Variants in ATXN7L1 observed in about 807,000 individuals in gnomAD.
The protein encoded by ATXN7L1 is ataxin-7-like protein 1.
Under a neutral mutation model 70.8 loss-of-function variants are expected in ATXN7L1, and 15 were observed. That is an observed-to-expected ratio of 0.21 (90% CI 0.14 to 0.33). The LOEUF (loss-of-function observed/expected upper bound fraction) is 0.33, where lower values mean the gene tolerates loss of function less well. ATXN7L1 is among the 10% of genes least tolerant of loss of function. The probability of loss-of-function intolerance (pLI) is 1.00; values close to 1 mark genes in which losing one functional copy is unlikely to be tolerated. For missense variants in ATXN7L1, 975 were observed against 1,097.1 expected (o/e 0.89, Z 1.57); for synonymous variants, 440 against 445.1 (o/e 0.99, Z 0.14).
chr7:105,734,189 C>A (rs1420824797), intron 3 of ATXN7L1, among the ~76,000 whole-genome samples: 1 of 152,028 alleles, frequency 6.6e-6, no homozygotes, highest in East Asian at 1.9e-4. Flanking sequence ...GGTCAGCCCA[C>A]CTTACAGGGA....
chr7:105,626,389 T>A (rs1795699517), intron 7 of ATXN7L1, among the ~76,000 whole-genome samples: 1 of 152,210 alleles, frequency 6.6e-6, no homozygotes, highest in Admixed American at 6.5e-5. Flanking sequence ...ATTTAGTGGA[T>A]ATACAGTTCT....
In ATXN7L1 at chr7:105,607,842, C is replaced by T. The variant is rs1452351893; in HGVS notation, c.*10G>A. The stretch of plus-strand genomic sequence containing the variant: ...CCTGGAATTGATGTGGAAGTGGCTT[C>T]ATAGTCTTGTTATGGAAGAGTCCTT... On this transcript the variant is annotated 3_prime_UTR_variant, in exon 12 of 12. Transcript: ENST00000419735. The T allele has an allele frequency of 6.4e-7, 1 of 1,551,402 alleles. No individual in the cohort carries two copies. The highest frequency in any genetic ancestry group is 1.4e-5 in the African/African-American group (1 of 73,028).
At chr7:105,763,796 T>C (rs1243032683) in intron 3 of ATXN7L1, among the ~76,000 whole-genome samples, 1 of 152,018 alleles carries the variant, frequency 6.6e-6, no homozygotes, top group Non-Finnish European at 1.5e-5. Context: ...GGCAATCTGA[T>C]AGTCACTTCC....
At chr7:105,696,246 G>GTA (rs1237262619) in intron 3 of ATXN7L1, among the ~76,000 whole-genome samples, 2 of 152,198 alleles carry the variant, frequency 1.3e-5, no homozygotes, top group African/African-American at 4.8e-5. Flanking sequence ...TTGGCGGGAG[G>GTA]TATATGTAGT....
chr7:105,852,539 G>A (rs1815027603), intron 2 of ATXN7L1, among the ~76,000 whole-genome samples: 2 of 152,010 alleles, frequency 1.3e-5, no homozygotes, highest in African/African-American at 4.8e-5. Context: ...CAGCACAGGG[G>A]GCGCACAGTT....
chr7:105,646,120 C>T (rs576387989), intron 4 of ATXN7L1, among the ~76,000 whole-genome samples: 14 of 150,828 alleles, frequency 9.3e-5, no homozygotes, highest in Middle Eastern at 3.6e-3. Flanking sequence ...GAGACCAGCC[C>T]GGGCAACATA....
chr7:105,808,935 T>A (rs1808011951), intron 2 of ATXN7L1, among the ~76,000 whole-genome samples: 1 of 152,282 alleles, frequency 6.6e-6, no homozygotes, highest in African/African-American at 2.4e-5. Flanking sequence ...GGATTATTTA[T>A]TTCTCATTGT....
chr7:105,794,234 G>A (rs548290832), intron 2 of ATXN7L1, among the ~76,000 whole-genome samples: 3 of 152,286 alleles, frequency 2.0e-5, no homozygotes, highest in Admixed American at 2.0e-4. Flanking sequence ...GTTAAGTTGG[G>A]ATTTAAAGTG....
intron 3 of ATXN7L1, among the ~76,000 whole-genome samples, chr7:105,682,114 A>G (rs1459293803): frequency 1.3e-5 from 2 of 152,094 alleles, no homozygotes; most frequent in Non-Finnish European, 2.9e-5. Flanking sequence ...AGTCCCAGCT[A>G]CTGGGGAGGC....
At chr7:105,722,441 A>T (rs909308459) in intron 3 of ATXN7L1, among the ~76,000 whole-genome samples, 1 of 151,818 alleles carries the variant, frequency 6.6e-6, no homozygotes, top group Admixed American at 6.6e-5. Context: ...ACAGGCCTAT[A>T]GTTCCAGCTA....
At chr7:105,630,361 C>G (rs865885128) in intron 7 of ATXN7L1, among the ~76,000 whole-genome samples, 1 of 152,160 alleles carries the variant, frequency 6.6e-6, no homozygotes, top group Non-Finnish European at 1.5e-5. Flanking sequence ...ATACTTACGA[C>G]GATGACTTCC....
chr7:105,644,343 A>T (rs1221609446), intron 4 of ATXN7L1, among the ~76,000 whole-genome samples: 1 of 152,158 alleles, frequency 6.6e-6, no homozygotes, highest in African/African-American at 2.4e-5. Context: ...TTTGTTACAG[A>T]TCTTTGCCAG....
At chr7:105,720,094 C>T (rs1795010568) in intron 3 of ATXN7L1, among the ~76,000 whole-genome samples, 1 of 152,194 alleles carries the variant, frequency 6.6e-6, no homozygotes, top group African/African-American at 2.4e-5. Context: ...GTGCTTCTTG[C>T]TTCTTTAAAT....
At chr7:105,710,681 G>A (rs1793795258) in intron 3 of ATXN7L1, among the ~76,000 whole-genome samples, 1 of 152,276 alleles carries the variant, frequency 6.6e-6, no homozygotes, top group African/African-American at 2.4e-5. Flanking sequence ...AAAGTGCTGG[G>A]ATTGCAGGCA....
intron 3 of ATXN7L1, among the ~76,000 whole-genome samples, chr7:105,701,964 C>T (rs973089617): frequency 2.0e-5 from 3 of 152,228 alleles, no homozygotes; most frequent in African/African-American, 7.2e-5. Context: ...GAAACTCAAG[C>T]AGACGTGTTT....
At chr7:105,641,561 C>G (rs2115920729) in intron 5 of ATXN7L1, among the ~76,000 whole-genome samples, 1 of 152,368 alleles carries the variant, frequency 6.6e-6, no homozygotes, top group East Asian at 1.9e-4. Flanking sequence ...GGCTGGAAGC[C>G]ACGGCCGTGC....
intron 3 of ATXN7L1, among the ~76,000 whole-genome samples, chr7:105,702,885 G>A (rs1025833364): frequency 2.6e-5 from 4 of 152,094 alleles, no homozygotes; most frequent in Non-Finnish European, 4.4e-5. Flanking sequence ...TTGGGAGGCC[G>A]AGGCAGGCAG....
In ATXN7L1 at chr7:105,864,546, C is replaced by T. The variant is rs530471852; in HGVS notation, c.250+11266G>A. On this transcript the variant is annotated intron_variant, in intron 2 of 11. Coordinates refer to ENST00000419735, the MANE Select transcript of ATXN7L1 (RefSeq NM_020725.2). ...CGTTTTAGTATGACCAGCCTGGGGCCGGGGGCACGAAGTACCCTACAGGAC... is the reference window on the plus strand; with the variant it reads ...CGTTTTAGTATGACCAGCCTGGGGCTGGGGGCACGAAGTACCCTACAGGAC... 4.0e-5 allele frequency among the ~76,000 whole-genome samples: 6 copies of T among 150,998 alleles called. No individual in the cohort carries two copies. In the South Asian group the frequency reaches 6.3e-4, roughly 16 times the overall value.
At chr7:105,843,624 C>T (rs575324126) in intron 2 of ATXN7L1, among the ~76,000 whole-genome samples, 18 of 152,316 alleles carry the variant, frequency 1.2e-4, no homozygotes, top group Non-Finnish European at 2.6e-4. Flanking sequence ...TTTTGGAAAA[C>T]GGGCCACTGG....
Sources: allele counts gnomAD v4.1 joint callset (sites outside exome capture counted in the v4.1 genomes callset), GRCh38; gene constraint gnomAD v4.1.1; transcripts MANE v1.5; gene names NCBI Gene and HGNC (gene_info 2026-07-23, HGNC 2026-07-21).